RANBP3L: variants seen among roughly 807,000 people sequenced by gnomAD.
RANBP3L encodes RAN binding protein 3 like.
RANBP3L carries 56 observed loss-of-function variants against 67.2 expected under a neutral mutation model. The observed-to-expected ratio is 0.83, with a 90% CI of 0.67 to 1.04. The LOEUF (loss-of-function observed/expected upper bound fraction) is 1.04. RANBP3L is among the 50% of genes least tolerant of loss of function. RANBP3L has a pLI of 0.00. For missense variants in RANBP3L, 496 were observed against 535.5 expected (o/e 0.93, Z 0.73); for synonymous variants, 164 against 181.4 (o/e 0.90, Z 0.77).
chr5:36,280,549 T>C (rs1047246322), intron 1 of RANBP3L, among the ~76,000 whole-genome samples: 3 of 152,164 alleles, frequency 2.0e-5, no homozygotes, highest in Non-Finnish European at 2.9e-5. Context: ...TCGTTTCACA[T>C]AGAACATCAG....
rs749934913 is a variant in RANBP3L at position 36,262,043 on chromosome 5, C to A, written c.481-1G>T. 6.7e-7 allele frequency: 1 copy of A among 1,492,040 alleles called. No individual in the cohort carries two copies. The highest frequency in any genetic ancestry group is 1.1e-5 in the South Asian group (1 of 87,190). The allele number at this position is 1,492,040 out of a possible 1,614,324, so 92.4% of individuals were successfully genotyped here. A position where few individuals can be genotyped will look rare whatever the true frequency, so the allele number is the denominator to read the frequency against. On this transcript the variant is annotated splice_acceptor_variant, in intron 6 of 13. Transcript: ENST00000296604. LOFTEE classifies it high-confidence loss of function. Reference sequence around the variant, plus strand: ...ACAAATAGGAATTTCCCTCAGAAATCTGAAAGTAAAGAAATCCATCAAAAA... The same window carrying A: ...ACAAATAGGAATTTCCCTCAGAAATATGAAAGTAAAGAAATCCATCAAAAA...
chr5:36,253,630 T>C lies in RANBP3L; in HGVS notation c.1167+17A>G. On this transcript the variant is annotated intron_variant, in intron 12 of 13. Transcript: ENST00000296604. ...ATTTAGTAGGATAATCTTCTATCACTGAAATTTCTCCCTTACCTGAATTAA... is the reference window on the plus strand; with the variant it reads ...ATTTAGTAGGATAATCTTCTATCACCGAAATTTCTCCCTTACCTGAATTAA... 1 of 1,572,810 alleles carries C rather than the reference T, an allele frequency of 6.4e-7. No individual in the cohort carries two copies. Among genetic ancestry groups the C allele is most frequent in the African/African-American group, 1.4e-5 (1 of 74,056 alleles).
At chr5:36,272,679 C>T (rs888760032) in intron 1 of RANBP3L, among the ~76,000 whole-genome samples, 2 of 151,946 alleles carry the variant, frequency 1.3e-5, no homozygotes, top group Non-Finnish European at 2.9e-5. Flanking sequence ...CTCTTGTTGC[C>T]GAGGCTCGAG....
At chr5:36,294,395 A>T (rs1382871740) in intron 1 of RANBP3L, among the ~76,000 whole-genome samples, 2 of 151,186 alleles carry the variant, frequency 1.3e-5, no homozygotes, top group African/African-American at 2.4e-5. Flanking sequence ...TTGTGTCTCT[A>T]TTTCCTTCAG....
intron 4 of RANBP3L, among the ~76,000 whole-genome samples, chr5:36,269,175 A>C (rs996501997): frequency 1.3e-5 from 2 of 152,202 alleles, no homozygotes; most frequent in Non-Finnish European, 2.9e-5. Flanking sequence ...ATTGTGGCTT[A>C]TGTCCTTTTG....
At chr5:36,300,641 A>T (rs114252994) in intron 1 of RANBP3L, among the ~76,000 whole-genome samples, 184 of 152,280 alleles carry the variant, frequency 1.2e-3, no homozygotes, top group African/African-American at 4.3e-3. Context: ...CTTTCCCACA[A>T]GTGTCATTTG....
chr5:36,286,664 A>C (rs554992031), intron 1 of RANBP3L, among the ~76,000 whole-genome samples: 138 of 152,332 alleles, frequency 9.1e-4, no homozygotes, highest in African/African-American at 3.1e-3. Context: ...GTGATGCTAA[A>C]GTTTGAGAAT....
At chr5:36,253,992 C>T (rs1748785463) in intron 11 of RANBP3L, among the ~76,000 whole-genome samples, 2 of 152,024 alleles carry the variant, frequency 1.3e-5, no homozygotes, top group South Asian at 4.1e-4. Flanking sequence ...GCTGAAATTA[C>T]ACTTTTTTAC....
chr5:36,248,551 T>G lies in RANBP3L; in HGVS notation c.*1103A>C, dbSNP rs941190354. ...CAAATGAATATTGTTCTTCGAAGCA[T>G]CACTTAGTGAAATTACGCCCTCATT... is the stretch of plus-strand genomic sequence containing the variant. On this transcript the variant is annotated 3_prime_UTR_variant, in exon 14 of 14. Coordinates refer to ENST00000296604, the MANE Select transcript of RANBP3L (RefSeq NM_145000.5). 1.3e-5 allele frequency: 2 copies of G among 152,218 alleles called. No individual in the cohort carries two copies. Among genetic ancestry groups the G allele is most frequent in the African/African-American group, 4.8e-5 (2 of 41,458 alleles). The allele number at this position is 152,218 out of a possible 1,614,324, so 9.4% of individuals were successfully genotyped here.
At chr5:36,276,057 T>A (rs892088870) in intron 1 of RANBP3L, among the ~76,000 whole-genome samples, 7 of 152,336 alleles carry the variant, frequency 4.6e-5, no homozygotes, top group Middle Eastern at 3.4e-3. Context: ...TATTGAATTA[T>A]CCTGCCCAGC....
At chr5:36,298,358 A>G (rs1207809669) in intron 1 of RANBP3L, among the ~76,000 whole-genome samples, 2 of 152,160 alleles carry the variant, frequency 1.3e-5, no homozygotes, top group Admixed American at 1.3e-4. Context: ...TCACGCCTAC[A>G]GAAGTGTCGA....
intron 1 of RANBP3L, among the ~76,000 whole-genome samples, chr5:36,277,284 C>A (rs1750640756): frequency 6.6e-6 from 1 of 152,078 alleles, no homozygotes; most frequent in Non-Finnish European, 1.5e-5. Context: ...TGTCTTCTCA[C>A]CCTTCTTCAC....
intron 1 of RANBP3L, among the ~76,000 whole-genome samples, chr5:36,275,781 G>A (rs1750526224): frequency 6.6e-6 from 1 of 152,058 alleles, no homozygotes; most frequent in South Asian, 2.1e-4. Context: ...GTGGAGATAC[G>A]GAGATTAATG....
intron 1 of RANBP3L, among the ~76,000 whole-genome samples, chr5:36,298,715 T>G (rs1316376419): frequency 6.6e-6 from 1 of 152,258 alleles, no homozygotes; most frequent in African/African-American, 2.4e-5. Flanking sequence ...ATTAGCATGC[T>G]TCACAACTTT....
At chr5:36,251,605 A>G (rs1394224184) in intron 12 of RANBP3L, 106 bp from the exon 13 acceptor site, 3 of 888,804 alleles carry the variant, frequency 3.4e-6, no homozygotes, top group East Asian at 5.3e-5. Flanking sequence ...CATGGCATAA[A>G]TCTACAGTGT....
rs772913076 is a variant in RANBP3L, at chr5:36,257,532, G to C, written c.694C>G (p.Gln232Glu). 3.8e-6 allele frequency: 6 copies of C among 1,578,132 alleles called. No homozygotes were observed. Among genetic ancestry groups the C allele is most frequent in the South Asian group, 2.3e-5 (2 of 86,806 alleles). Residue 232 changes from glutamine to glutamate, a missense_variant, in exon 9 of 14, where the codon CAA (glutamine) becomes GAA (glutamate). Gln to Glu is a conservative substitution (Grantham distance 29). Transcript: ENST00000296604. ...TTGGCATATGAATCATTTTCAAGTT[G>C]AGGCTGGGTGAGTTTTTGAGTACCC... ...VLGTQKLTQPQLENDSYAKEK... is the reference protein window; with the variant it reads ...VLGTQKLTQPELENDSYAKEK...
intron 6 of RANBP3L, among the ~76,000 whole-genome samples, 163 bp from the exon 7 acceptor site, chr5:36,262,205 A>T (rs1039665560): frequency 3.3e-5 from 5 of 152,172 alleles, no homozygotes; most frequent in African/African-American, 1.2e-4. Context: ...TACAACTCTA[A>T]CACTTTGTAA....
chr5:36,287,856 G>A (rs1448758743), intron 1 of RANBP3L, among the ~76,000 whole-genome samples: 1 of 152,128 alleles, frequency 6.6e-6, no homozygotes, highest in Non-Finnish European at 1.5e-5. Flanking sequence ...TTCTCTTGAA[G>A]GTGTGATATT....
At chr5:36,261,408 A>G (rs1749378225) in intron 7 of RANBP3L, among the ~76,000 whole-genome samples, 1 of 152,138 alleles carries the variant, frequency 6.6e-6, no homozygotes, top group Non-Finnish European at 1.5e-5. Context: ...TGCATCCCCA[A>G]TGCACATAGA....
Sources: allele counts gnomAD v4.1 joint callset (sites outside exome capture counted in the v4.1 genomes callset), GRCh38; gene constraint gnomAD v4.1.1; transcripts MANE v1.5; gene names NCBI Gene and HGNC (gene_info 2026-07-23, HGNC 2026-07-21).